SOX5: variants seen among roughly 807,000 people sequenced by gnomAD.
The protein encoded by SOX5 is SRY-box transcription factor 5, also known as transcription factor SOX-5.
In SOX5, 9 loss-of-function variants were observed where a neutral mutation model predicts 92.0. The ratio of observed to expected loss-of-function variants is 0.10; its 90% confidence interval spans 0.06 to 0.17. The LOEUF (loss-of-function observed/expected upper bound fraction) is 0.17. SOX5 is among the 10% of genes least tolerant of loss of function. SOX5 has a pLI of 1.00. For missense variants in SOX5, 642 were observed against 944.5 expected (o/e 0.68, Z 4.20); for synonymous variants, 344 against 336.3 (o/e 1.02, Z -0.25).
chr12:23,604,863 T>A (rs1592496773), intron 8 of SOX5, among the ~76,000 whole-genome samples: 1 of 152,208 alleles, frequency 6.6e-6, no homozygotes, highest in Non-Finnish European at 1.5e-5. Context: ...CTACTTTAAA[T>A]TTACACAGTG....
At chr12:23,783,569 T>C (rs899009380) in intron 3 of SOX5, among the ~76,000 whole-genome samples, 1 of 152,222 alleles carries the variant, frequency 6.6e-6, no homozygotes, top group African/African-American at 2.4e-5. Flanking sequence ...TGAAAAACTC[T>C]TGTCTAGAAG....
chr12:23,774,553 T>C (rs2141609991), intron 3 of SOX5, among the ~76,000 whole-genome samples: 1 of 152,316 alleles, frequency 6.6e-6, no homozygotes, highest in Non-Finnish European at 1.5e-5. Flanking sequence ...AAAATACATG[T>C]ATAAAATAGT....
At chr12:23,936,364 A>G (rs998295413) in intron 1 of SOX5, among the ~76,000 whole-genome samples, 1 of 151,060 alleles carries the variant, frequency 6.6e-6, no homozygotes, top group African/African-American at 2.4e-5. Flanking sequence ...AATAATTTAA[A>G]TAATTCTTAA....
At chr12:23,621,168 C>T (rs2077130543) in intron 8 of SOX5, among the ~76,000 whole-genome samples, 1 of 151,938 alleles carries the variant, frequency 6.6e-6, no homozygotes, top group African/African-American at 2.4e-5. Flanking sequence ...ATACGTGCAA[C>T]AACATGGATG....
chr12:23,782,706 A>C (rs571571748), intron 3 of SOX5, among the ~76,000 whole-genome samples: 1 of 152,262 alleles, frequency 6.6e-6, no homozygotes, highest in Non-Finnish European at 1.5e-5. Flanking sequence ...GTCTTTCCAC[A>C]AAGATTTATC....
At chr12:23,905,678 C>A (rs1267417806) in intron 1 of SOX5, among the ~76,000 whole-genome samples, 2 of 151,972 alleles carry the variant, frequency 1.3e-5, no homozygotes, top group African/African-American at 4.8e-5. Flanking sequence ...ATAAATACAG[C>A]AAAACTGAAG....
chr12:23,632,879 G>C (rs1592762110), intron 8 of SOX5, among the ~76,000 whole-genome samples: 1 of 152,084 alleles, frequency 6.6e-6, no homozygotes, highest in Non-Finnish European at 1.5e-5. Flanking sequence ...GTAAGCCCAT[G>C]AGGTTTCATT....
chr12:24,101,599 AAATG>A (rs1946102006), intron 4 of SOX5, among the ~76,000 whole-genome samples: 1 of 152,194 alleles, frequency 6.6e-6, no homozygotes, highest in South Asian at 2.1e-4. Flanking sequence ...ACCGTCGAAT[AAATG>A]AATGACTGGA....
chr12:24,491,750 A>T (rs186668181), intron 1 of SOX5, among the ~76,000 whole-genome samples: 1 of 152,322 alleles, frequency 6.6e-6, no homozygotes, highest in African/African-American at 2.4e-5. Context: ...CACCAAAAGT[A>T]TGTATGTAGT....
At chr12:23,827,952 G>A (rs2096258316) in intron 3 of SOX5, among the ~76,000 whole-genome samples, 1 of 151,778 alleles carries the variant, frequency 6.6e-6, no homozygotes, top group Non-Finnish European at 1.5e-5. Context: ...TCAACATTTG[G>A]GAATTTATTA....
intron 6 of SOX5, among the ~76,000 whole-genome samples, chr12:23,722,284 G>C (rs372386661): frequency 1.3e-5 from 2 of 152,110 alleles, no homozygotes; most frequent in East Asian, 3.8e-4. Flanking sequence ...ATATAACTAT[G>C]ATATTTCAGT....
intron 3 of SOX5, among the ~76,000 whole-genome samples, chr12:24,215,234 T>C (rs1344045716): frequency 2.0e-5 from 3 of 152,112 alleles, no homozygotes; most frequent in Non-Finnish European, 4.4e-5. Flanking sequence ...AACATTTTAT[T>C]AGAGATTTCA....
chr12:24,531,591 A>C (rs1196291794), intron 1 of SOX5, among the ~76,000 whole-genome samples: 1 of 152,176 alleles, frequency 6.6e-6, no homozygotes, highest in Non-Finnish European at 1.5e-5. Flanking sequence ...AATGTAAGAA[A>C]CTATATACTC....
At chr12:23,810,131 A>C (rs1365861231) in intron 3 of SOX5, among the ~76,000 whole-genome samples, 1 of 152,156 alleles carries the variant, frequency 6.6e-6, no homozygotes, top group Admixed American at 6.5e-5. Flanking sequence ...GTGCAATACT[A>C]TCTTCTGTCT....
chr12:24,163,202 A>T (rs1442525950), intron 4 of SOX5, among the ~76,000 whole-genome samples: 1 of 152,168 alleles, frequency 6.6e-6, no homozygotes, highest in Non-Finnish European at 1.5e-5. Flanking sequence ...TTAATGACAC[A>T]ATAGGGCTTT....
intron 1 of SOX5, among the ~76,000 whole-genome samples, chr12:24,529,864 C>T (rs1951024796): frequency 2.6e-5 from 4 of 151,842 alleles, no homozygotes; most frequent in South Asian, 4.2e-4. Flanking sequence ...CTAAAAAATA[C>T]AAAAAATTAG....
intron 3 of SOX5, among the ~76,000 whole-genome samples, chr12:24,247,663 T>C (rs1939126744): frequency 6.8e-6 from 1 of 147,876 alleles, no homozygotes; most frequent in Non-Finnish European, 1.5e-5. Context: ...TTTTTTTTTT[T>C]TTTTTGAGGC....
chr12:24,129,530 C>T (rs1245142203), intron 4 of SOX5, among the ~76,000 whole-genome samples: 1 of 152,124 alleles, frequency 6.6e-6, no homozygotes. Flanking sequence ...GATGGATGGG[C>T]ATATACCCAA....
chr12:24,121,885 C>CAAAAAA (rs900951883), intron 4 of SOX5, among the ~76,000 whole-genome samples: 3 of 48,232 alleles, frequency 6.2e-5, no homozygotes, highest in Admixed American at 5.4e-4. Context: ...GACTCTATCT[C>CAAAAAA]AAAAAAAAAA....
Sources: gnomAD v4.1 joint callset for allele counts (sites outside exome capture counted in the v4.1 genomes callset) on GRCh38, gnomAD v4.1.1 for gene constraint, MANE v1.5 for transcripts, NCBI Gene and HGNC (gene_info 2026-07-23, HGNC 2026-07-21) for gene names.